FAM78B: variants seen among roughly 807,000 people sequenced by gnomAD.
FAM78B encodes the protein protein FAM78B.
Under a neutral mutation model 20.0 loss-of-function variants are expected in FAM78B, and 10 were observed. That is an observed-to-expected ratio of 0.50 (90% CI 0.31 to 0.85). The LOEUF is 0.85. FAM78B is among the 40% of genes least tolerant of loss of function. The pLI, the probability that FAM78B is intolerant of heterozygous loss-of-function variation, is 0.05. For synonymous variants in FAM78B, 135 were observed against 132.8 expected (o/e 1.02, Z -0.12); for missense variants, 283 against 345.0 (o/e 0.82, Z 1.42).
At chr1:166,150,107 G>C (rs7551912) in intron 1 of FAM78B, among the ~76,000 whole-genome samples, 10 of 152,138 alleles carry the variant, frequency 6.6e-5, no homozygotes, top group South Asian at 2.1e-4. Context: ...TGTGCCTCAG[G>C]GGGGGTTTGT....
At chr1:166,111,269 A>G (rs571422541) in intron 1 of FAM78B, among the ~76,000 whole-genome samples, 3 of 152,340 alleles carry the variant, frequency 2.0e-5, no homozygotes, top group African/African-American at 7.2e-5. Flanking sequence ...TGTCAGAAAT[A>G]GGAACTCTCT....
intron 1 of FAM78B, among the ~76,000 whole-genome samples, chr1:166,110,137 G>GATAGAA (rs1653992638): frequency 6.6e-6 from 1 of 150,994 alleles, no homozygotes. Flanking sequence ...AGGAGAGAGG[G>GATAGAA]ATAGAAGACT....
chr1:166,130,557 T>C (rs1654834600), intron 1 of FAM78B, among the ~76,000 whole-genome samples: 1 of 152,180 alleles, frequency 6.6e-6, no homozygotes, highest in Non-Finnish European at 1.5e-5. Context: ...TGGCATTTAG[T>C]GGGTAGAGGC....
chr1:166,096,423 A>G (rs1653277614), intron 1 of FAM78B, among the ~76,000 whole-genome samples: 1 of 152,102 alleles, frequency 6.6e-6, no homozygotes, highest in Non-Finnish European at 1.5e-5. Context: ...AGATCACTCT[A>G]CATCCATCTC....
At chr1:166,154,569 T>C (rs1371007116) in intron 1 of FAM78B, among the ~76,000 whole-genome samples, 1 of 152,236 alleles carries the variant, frequency 6.6e-6, no homozygotes, top group Non-Finnish European at 1.5e-5. Context: ...CTGCACCCTG[T>C]GCACTTTCCT....
At chr1:166,139,004 T>C (rs1351677820) in intron 1 of FAM78B, among the ~76,000 whole-genome samples, 1 of 152,218 alleles carries the variant, frequency 6.6e-6, no homozygotes, top group East Asian at 1.9e-4. Context: ...TCTCCCTCCC[T>C]GAATATTTTA....
chr1:166,082,667 G>A (rs1427522907), intron 1 of FAM78B: 1 of 152,326 alleles, frequency 6.6e-6, no homozygotes, highest in Non-Finnish European at 1.5e-5. Flanking sequence ...ACCTCCAGAA[G>A]AGCCCAGAAC....
At chr1:166,148,431 T>G (rs1305804997) in intron 1 of FAM78B, among the ~76,000 whole-genome samples, 2 of 152,240 alleles carry the variant, frequency 1.3e-5, no homozygotes, top group Non-Finnish European at 2.9e-5. Flanking sequence ...ATATTCTGAT[T>G]CTGGCACTGA....
intron 1 of FAM78B, among the ~76,000 whole-genome samples, chr1:166,074,714 A>G (rs1652198650): frequency 6.6e-6 from 1 of 152,248 alleles, no homozygotes. Flanking sequence ...GAATAGTATC[A>G]TGCCTTGCAC....
chr1:166,080,535 A>C (rs1047157080), intron 1 of FAM78B, among the ~76,000 whole-genome samples: 4 of 152,080 alleles, frequency 2.6e-5, no homozygotes, highest in African/African-American at 9.7e-5. Context: ...TGTTCAGCCT[A>C]CTCTTTAAAG....
chr1:166,079,452 G>C (rs1458340113), intron 1 of FAM78B, among the ~76,000 whole-genome samples: 2 of 152,214 alleles, frequency 1.3e-5, no homozygotes. Context: ...CCACTCCACT[G>C]TGTATGCACT....
downstream of FAM78B, among the ~76,000 whole-genome samples, chr1:166,067,963 A>C (rs1458995963): frequency 1.3e-5 from 2 of 152,246 alleles, no homozygotes; most frequent in African/African-American, 4.8e-5. Flanking sequence ...TATATAGATA[A>C]GCTTCTGAAA....
At chr1:166,116,930 C>T (rs1270539251) in intron 1 of FAM78B, among the ~76,000 whole-genome samples, 1 of 152,224 alleles carries the variant, frequency 6.6e-6, no homozygotes, top group Admixed American at 6.5e-5. Flanking sequence ...TCTCTAATGG[C>T]AGCGCCCTGC....
chr1:166,070,316 G>A lies in FAM78B; in HGVS notation c.711C>T (p.Pro237=). ...TGAGGACCTGGGCATCATTGGCATT[G>A]GGTTTCACTAGTGCATTAGGGGGGA... The part of the protein sequence containing the change: ...EPIPPNALVK[P]NANDAQVLMW... The change falls in exon 2 of 2, where the codon CCC becomes CCT. Residue 237 remains proline, a synonymous_variant. Coordinates refer to ENST00000354422, the MANE Select transcript of FAM78B (RefSeq NM_001017961.5). The A allele has an allele frequency of 6.3e-7, 1 of 1,593,924 alleles. No individual in the cohort carries two copies. The highest frequency in any genetic ancestry group is 1.7e-5 in the Admixed American group (1 of 58,516).
chr1:166,099,371 A>G (rs1214020466), intron 1 of FAM78B, among the ~76,000 whole-genome samples: 3 of 152,216 alleles, frequency 2.0e-5, no homozygotes, highest in African/African-American at 7.2e-5. Flanking sequence ...AAAAAAACGA[A>G]GTACACAGGC....
chr1:166,073,039 A>AAAC (rs746453499), intron 1 of FAM78B, among the ~76,000 whole-genome samples: 2 of 152,200 alleles, frequency 1.3e-5, no homozygotes, highest in African/African-American at 4.8e-5. Flanking sequence ...GTTTTTTGAA[A>AAAC]AACAACAACA....
chr1:166,134,764 C>T (rs1655011000), intron 1 of FAM78B, among the ~76,000 whole-genome samples: 1 of 152,146 alleles, frequency 6.6e-6, no homozygotes, highest in South Asian at 2.1e-4. Flanking sequence ...TTAGAAAATG[C>T]TCTCTAATGT....
intron 1 of FAM78B, among the ~76,000 whole-genome samples, chr1:166,094,957 T>C (rs1214320521): frequency 1.3e-5 from 2 of 152,154 alleles, no homozygotes; most frequent in Admixed American, 6.5e-5. Context: ...GTTCTGTCTA[T>C]AAGAAAATAA....
chr1:166,153,865 C>T lies in FAM78B; in HGVS notation c.263+12121G>A, dbSNP rs536407046. On this transcript the variant is annotated intron_variant, in intron 1 of 1. Transcript: ENST00000354422. ...TACCCCCCTTAGATCCCAACAAGGG[C>T]AAAGCAAAATGGGGTGTTGCCTAGA... 2.6e-5 allele frequency among the ~76,000 whole-genome samples: 4 copies of T among 152,300 alleles called. No individual in the cohort carries two copies. The South Asian group carries it at 8.3e-4, about 32-fold the overall frequency.
Sources: allele counts gnomAD v4.1 joint callset (sites outside exome capture counted in the v4.1 genomes callset), GRCh38; gene constraint gnomAD v4.1.1; transcripts MANE v1.5; gene names NCBI Gene and HGNC (gene_info 2026-07-23, HGNC 2026-07-21).